ETV6: variants seen among roughly 807,000 people sequenced by gnomAD.
ETV6 encodes the protein transcription factor ETV6.
A neutral mutation model predicts 51.1 loss-of-function variants in ETV6; 16 were observed. That is an observed-to-expected ratio of 0.31 (90% CI 0.21 to 0.48). The LOEUF is 0.48. ETV6 is among the 20% of genes least tolerant of loss of function. ETV6 has a pLI of 0.99. For missense variants in ETV6, 458 were observed against 594.8 expected (o/e 0.77, Z 2.39); for synonymous variants, 240 against 224.1 (o/e 1.07, Z -0.64).
intron 1 of ETV6, among the ~76,000 whole-genome samples, chr12:11,749,105 T>C (rs1316058402): frequency 1.3e-5 from 2 of 152,138 alleles, no homozygotes; most frequent in African/African-American, 4.8e-5. Context: ...GCAGCGTGTT[T>C]TATTTTTTAC....
intron 2 of ETV6, among the ~76,000 whole-genome samples, chr12:11,764,979 C>T (rs1432563689): frequency 2.0e-5 from 3 of 152,140 alleles, no homozygotes; most frequent in Admixed American, 2.0e-4. Context: ...ATACACCTTG[C>T]CTTCCAATAG....
At chr12:11,759,168 T>C (rs1057043269) in intron 2 of ETV6, among the ~76,000 whole-genome samples, 1 of 151,920 alleles carries the variant, frequency 6.6e-6, no homozygotes, top group Non-Finnish European at 1.5e-5. Context: ...TGTCTTTTTT[T>C]TTTTAAGAAA....
Position 11,734,777 on chromosome 12 carries a change from T to C in ETV6, c.34-17673T>C, listed in dbSNP as rs926063148. ...CTTAGGCTTGGGGTGTTTAAGTAACTTCTATGAAGTCACACAGTAAGTGCT... is the reference window on the plus strand; with the variant it reads ...CTTAGGCTTGGGGTGTTTAAGTAACCTCTATGAAGTCACACAGTAAGTGCT... On this transcript the variant is annotated intron_variant, in intron 1 of 7. Transcript: ENST00000396373. Among the ~76,000 whole-genome samples, 3 of 140,752 alleles carry C rather than the reference T, an allele frequency of 2.1e-5. No homozygotes were observed. The East Asian group carries it at 7.0e-4, about 33-fold the overall frequency. The allele number at this position is 140,752 out of a possible 152,430, so 92.3% of individuals were successfully genotyped here.
chr12:11,851,705 A>G (rs1201099813), intron 3 of ETV6, among the ~76,000 whole-genome samples: 2 of 152,220 alleles, frequency 1.3e-5, no homozygotes, highest in Non-Finnish European at 2.9e-5. Context: ...TTATTTAGTC[A>G]TGATACTAAG....
intron 1 of ETV6, among the ~76,000 whole-genome samples, chr12:11,688,004 G>A (rs1864669082): frequency 3.9e-5 from 6 of 152,200 alleles, no homozygotes; most frequent in Admixed American, 3.9e-4. Context: ...TAAGAAAGAT[G>A]TTTCTATTAG....
At position 11,886,126 on chromosome 12, in the gene ETV6, C is replaced by G. The variant is rs541619953; in HGVS notation, c.1253+100C>G. 8 of 810,174 alleles carry G rather than the reference C, an allele frequency of 9.9e-6. No homozygotes were observed. In the Admixed American group the frequency reaches 1.4e-4, roughly 15 times the overall value. The allele number at this position is 810,174 out of a possible 1,614,324, so 50.2% of individuals were successfully genotyped here. A position where few individuals can be genotyped will look rare whatever the true frequency, so the allele number is the denominator to read the frequency against. On this transcript the variant is annotated intron_variant, in intron 7 of 7. Transcript: ENST00000396373. ...ACTGTTAAGATCTCTACCTGCCTAT[C>G]GGATACCCAAAGCCAATCATTGCTA...
intron 5 of ETV6, among the ~76,000 whole-genome samples, chr12:11,878,124 T>G (rs1171448124): frequency 6.6e-6 from 1 of 152,126 alleles, no homozygotes; most frequent in African/African-American, 2.4e-5. Context: ...TGTCCATATT[T>G]GGAGGGGATG....
chr12:11,723,040 A>G (rs1443856824), intron 1 of ETV6, among the ~76,000 whole-genome samples: 1 of 152,224 alleles, frequency 6.6e-6, no homozygotes, highest in African/African-American at 2.4e-5. Context: ...CTCCGAAGTC[A>G]GACTACCTGG....
chr12:11,783,812 C>T (rs1945443790), intron 2 of ETV6, among the ~76,000 whole-genome samples: 1 of 152,116 alleles, frequency 6.6e-6, no homozygotes, highest in Non-Finnish European at 1.5e-5. Context: ...GTGGAAACTC[C>T]CACTTCACAG....
rs528515332 is a variant in ETV6 at position 11,775,478 on chromosome 12, G to T, written c.163+22899G>T. On this transcript the variant is annotated intron_variant, in intron 2 of 7. Transcript: ENST00000396373. Reference sequence around the variant, plus strand: ...ATTAAAATGTCTTTAGGGTAATTTTGTATTTACATCTTCAGCAAATATTAA... The same window carrying T: ...ATTAAAATGTCTTTAGGGTAATTTTTTATTTACATCTTCAGCAAATATTAA... 5.3e-5 allele frequency among the ~76,000 whole-genome samples: 8 copies of T among 152,294 alleles called. No homozygotes were observed. In the East Asian group the frequency reaches 1.5e-3, roughly 29 times the overall value.
At chr12:11,802,963 A>G (rs1015697249) in intron 2 of ETV6, among the ~76,000 whole-genome samples, 13 of 152,182 alleles carry the variant, frequency 8.5e-5, no homozygotes, top group African/African-American at 2.7e-4. Context: ...TCTTCAATCT[A>G]TTTCATATAG....
At chr12:11,653,974 G>A (rs190729682) in intron 1 of ETV6, among the ~76,000 whole-genome samples, 36 of 151,972 alleles carry the variant, frequency 2.4e-4, no homozygotes, top group African/African-American at 8.4e-4. Context: ...CACCATGCCC[G>A]GCTAATTTTT....
chr12:11,782,697 GGT>G (rs1443195217), intron 2 of ETV6, among the ~76,000 whole-genome samples: 165 of 152,204 alleles, frequency 1.1e-3, no homozygotes, highest in African/African-American at 3.7e-3. Flanking sequence ...ACTCTTGCTT[GGT>G]TATGTCCTAT....
intron 5 of ETV6, 112 bp downstream of exon 5, chr12:11,870,081 A>C: frequency 1.6e-6 from 2 of 1,253,436 alleles, no homozygotes; most frequent in Non-Finnish European, 2.2e-6. Flanking sequence ...GGCGCCCTCC[A>C]AGGCTCTCTG....
intron 2 of ETV6, among the ~76,000 whole-genome samples, chr12:11,826,823 G>C (rs1156379814): frequency 6.6e-6 from 1 of 152,108 alleles, no homozygotes; most frequent in Admixed American, 6.5e-5. Flanking sequence ...TTACATATCT[G>C]TGGCCCTGGA....
intron 5 of ETV6, among the ~76,000 whole-genome samples, chr12:11,876,819 G>A (rs1229536153): frequency 1.3e-5 from 2 of 152,124 alleles, no homozygotes; most frequent in South Asian, 2.1e-4. Context: ...GGTCAGTTGG[G>A]TCATTAATCC....
chr12:11,734,600 A>T (rs1422923961), intron 1 of ETV6, among the ~76,000 whole-genome samples: 2 of 151,940 alleles, frequency 1.3e-5, no homozygotes, highest in Non-Finnish European at 2.9e-5. Flanking sequence ...GATTTATCAC[A>T]GTGCTGGTAC....
rs1485700445 is a variant in ETV6, at chr12:11,741,311, CCCAATCT to C, written c.34-11130_34-11124del. Among the ~76,000 whole-genome samples, 7 of 152,294 alleles carry C rather than the reference CCCAATCT, an allele frequency of 4.6e-5. No homozygotes were observed. The East Asian group carries it at 1.3e-3, about 29-fold the overall frequency. ...CCCCTCACCCAGGGAACAGTGGTTC[CCCAATCT>C]CCAATCTCTCCATTCTCCAGCATGA... On this transcript the variant is annotated intron_variant, in intron 1 of 7. Coordinates refer to ENST00000396373, the MANE Select transcript of ETV6 (RefSeq NM_001987.5).
chr12:11,662,736 C>T (rs1591593096), intron 1 of ETV6, among the ~76,000 whole-genome samples: 1 of 152,206 alleles, frequency 6.6e-6, no homozygotes, highest in African/African-American at 2.4e-5. Context: ...AACCCAGTTA[C>T]TCTTCCTTTA....
Sources: allele counts gnomAD v4.1 joint callset (sites outside exome capture counted in the v4.1 genomes callset), GRCh38; gene constraint gnomAD v4.1.1; transcripts MANE v1.5; gene names NCBI Gene and HGNC (gene_info 2026-07-23, HGNC 2026-07-21).